ANXA10: variants seen among roughly 807,000 people sequenced by gnomAD.
The protein encoded by ANXA10 is annexin A10.
In ANXA10, 49 loss-of-function variants were observed where a neutral mutation model predicts 53.5. That is an observed-to-expected ratio of 0.92 (90% confidence interval 0.73 to 1.16). ANXA10 has a LOEUF of 1.16. Among genes scored for constraint, ANXA10 ranks in the 50% most tolerant of loss-of-function variants. ANXA10 has a pLI of 0.00. For synonymous variants in ANXA10, 131 were observed against 128.9 expected, an observed-to-expected ratio of 1.02 and a Z score of -0.11; for missense variants, 393 against 394.4, an observed-to-expected ratio of 1.00 and a Z score of 0.03.
intron 1 of ANXA10, among the ~76,000 whole-genome samples, chr4:168,093,196 ATT>A (rs1560955074): frequency 6.6e-6 from 1 of 152,194 alleles, no homozygotes; most frequent in African/African-American, 2.4e-5. Flanking sequence ...TTATCTCGAT[ATT>A]TACTTCTATC....
At chr4:168,135,183 G>C (rs1000669200) in intron 2 of ANXA10, among the ~76,000 whole-genome samples, 1 of 152,188 alleles carries the variant, frequency 6.6e-6, no homozygotes, top group Non-Finnish European at 1.5e-5. Context: ...TAGTAGGAAA[G>C]AACTAAAGGA....
At chr4:168,182,070 G>A (rs1732259476) in intron 10 of ANXA10, among the ~76,000 whole-genome samples, 1 of 152,038 alleles carries the variant, frequency 6.6e-6, no homozygotes, top group Non-Finnish European at 1.5e-5. Flanking sequence ...ACTTATGCAA[G>A]TACAAAACAT....
At chr4:168,182,540 A>G (rs991887090) in intron 10 of ANXA10, among the ~76,000 whole-genome samples, 6 of 147,996 alleles carry the variant, frequency 4.1e-5, no homozygotes, top group African/African-American at 1.5e-4. Context: ...TCACTGTGTT[A>G]CCCAGGATGG....
chr4:168,133,663 C>T (rs1731190222), intron 2 of ANXA10, among the ~76,000 whole-genome samples: 2 of 152,038 alleles, frequency 1.3e-5, no homozygotes, highest in African/African-American at 2.4e-5. Context: ...GGCAAACAAA[C>T]ATAATGCAAA....
At chr4:168,148,592 T>C (rs1051322323) in intron 3 of ANXA10, among the ~76,000 whole-genome samples, 4 of 152,246 alleles carry the variant, frequency 2.6e-5, no homozygotes, top group Non-Finnish European at 4.4e-5. Context: ...GGAAATTTTC[T>C]AGGCACATAT....
At chr4:168,150,603 A>C (rs1240507016) in intron 3 of ANXA10, among the ~76,000 whole-genome samples, 1 of 152,216 alleles carries the variant, frequency 6.6e-6, no homozygotes, top group Non-Finnish European at 1.5e-5. Flanking sequence ...CTGAATATAC[A>C]TATTCAATAA....
rs535779891 is a variant in ANXA10 at position 168,156,346 on chromosome 4, G to A, written c.196-6182G>A. Among the ~76,000 whole-genome samples, 513 of 89,160 alleles carry A rather than the reference G, an allele frequency of 5.8e-3. 3 individuals are homozygous for A. Among genetic ancestry groups the A allele is most frequent in the Non-Finnish European group, 9.7e-3 (424 of 43,654 alleles). 58.5% of individuals were successfully genotyped at this position (89,160 alleles called of 152,430 possible). ...ATATAATATATTATATAGTATATAT[G>A]TTATATAATATATTATATAGTATAT... is the stretch of plus-strand genomic sequence containing the variant. On this transcript the variant is annotated intron_variant, in intron 3 of 11. Coordinates refer to ENST00000359299, the MANE Select transcript of ANXA10 (RefSeq NM_007193.5).
chr4:168,115,493 ACACG>A (rs1334144455), intron 1 of ANXA10, among the ~76,000 whole-genome samples: 3 of 109,724 alleles, frequency 2.7e-5, no homozygotes. Flanking sequence ...CCTACAATAC[ACACG>A]CACACACACA....
intron 6 of ANXA10, among the ~76,000 whole-genome samples, chr4:168,173,478 G>A (rs1411945246): frequency 6.6e-6 from 1 of 152,130 alleles, no homozygotes; most frequent in Admixed American, 6.5e-5. Flanking sequence ...CACAATAGCT[G>A]CTATATTGAG....
intron 3 of ANXA10, among the ~76,000 whole-genome samples, chr4:168,159,159 A>G (rs1731739537): frequency 6.6e-6 from 1 of 152,224 alleles, no homozygotes; most frequent in Non-Finnish European, 1.5e-5. Context: ...ATCATCATAT[A>G]GCTTTCCTCC....
chr4:168,138,277 T>C (rs1022132643), intron 2 of ANXA10, among the ~76,000 whole-genome samples: 2 of 152,172 alleles, frequency 1.3e-5, no homozygotes, highest in Non-Finnish European at 2.9e-5. Flanking sequence ...TTTTTAATAA[T>C]AGTCATTCTG....
Position 168,178,693 on chromosome 4 carries a change from C to T in ANXA10, c.629-524C>T, listed in dbSNP as rs936744449. 6.6e-5 allele frequency among the ~76,000 whole-genome samples: 10 copies of T among 151,974 alleles called. 1 individual carries two copies. Among genetic ancestry groups the T allele is most frequent in the Admixed American group, 4.6e-4 (7 of 15,256 alleles). On this transcript the variant is annotated intron_variant, in intron 8 of 11. Transcript: ENST00000359299. ...CCTGGGGTAGTCAGATAACTAAGTTCGTGAAATAAAGAATCTTAATTTAAC... is the reference window on the plus strand; with the variant it reads ...CCTGGGGTAGTCAGATAACTAAGTTTGTGAAATAAAGAATCTTAATTTAAC...
Position 168,172,300 on chromosome 4 carries a change from T to G in ANXA10, c.481-5440T>G, listed in dbSNP as rs142751692. ...TTAGCTGCATAGGAAAATAAACAGA[T>G]AGGCACCATTTCAGGTTAAATGTCC... On this transcript the variant is annotated intron_variant, in intron 6 of 11. Transcript: ENST00000359299. Among the ~76,000 whole-genome samples, 315 of 152,324 alleles carry G rather than the reference T, an allele frequency of 2.1e-3. 1 individual carries two copies. Among genetic ancestry groups the G allele is most frequent in the Admixed American group, 3.7e-3 (56 of 15,304 alleles).
intron 2 of ANXA10, among the ~76,000 whole-genome samples, chr4:168,129,450 A>G (rs953967857): frequency 6.6e-5 from 10 of 152,256 alleles, no homozygotes; most frequent in Non-Finnish European, 1.0e-4. Flanking sequence ...TGTTCCTGTC[A>G]TTGCAATTTT....
intron 10 of ANXA10, among the ~76,000 whole-genome samples, chr4:168,182,260 A>ATGGGAATG (rs1472956642): frequency 6.7e-6 from 1 of 148,558 alleles, no homozygotes; most frequent in Non-Finnish European, 1.5e-5. Flanking sequence ...TTGTAATTAA[A>ATGGGAATG]TGGGAATGTT....
chr4:168,132,970 A>T (rs1731178073), intron 2 of ANXA10, among the ~76,000 whole-genome samples: 1 of 152,112 alleles, frequency 6.6e-6, no homozygotes, highest in Non-Finnish European at 1.5e-5. Context: ...TCATTTGCAG[A>T]CATGTGCAGA....
intron 1 of ANXA10, among the ~76,000 whole-genome samples, chr4:168,095,134 C>T (rs1451457322): frequency 6.6e-6 from 1 of 152,004 alleles, no homozygotes; most frequent in African/African-American, 2.4e-5. Context: ...GGTATCTCTA[C>T]ATCCCTAGAG....
At chr4:168,145,493 C>G (rs1731392416) in intron 3 of ANXA10, among the ~76,000 whole-genome samples, 1 of 152,180 alleles carries the variant, frequency 6.6e-6, no homozygotes, top group Non-Finnish European at 1.5e-5. Context: ...CAGGAATGAA[C>G]AAGTACATCT....
intron 4 of ANXA10, among the ~76,000 whole-genome samples, chr4:168,163,819 A>T (rs368465392): frequency 1.3e-5 from 2 of 152,190 alleles, no homozygotes; most frequent in African/African-American, 4.8e-5. Flanking sequence ...GAAAACCTGT[A>T]TTCTAATGTC....
Sources: allele counts gnomAD v4.1 joint callset (sites outside exome capture counted in the v4.1 genomes callset), GRCh38; gene constraint gnomAD v4.1.1; transcripts MANE v1.5; gene names NCBI Gene and HGNC (gene_info 2026-07-23, HGNC 2026-07-21).